MACROD2: variants seen among roughly 807,000 people sequenced by gnomAD.
MACROD2 encodes ADP-ribose glycohydrolase MACROD2.
In MACROD2, 36 loss-of-function variants were observed where a neutral mutation model predicts 70.4. The ratio of observed to expected loss-of-function variants is 0.51; its 90% CI spans 0.39 to 0.68. MACROD2 has a LOEUF of 0.68. Ranked by LOEUF, MACROD2 falls within the 30% of genes least tolerant of loss-of-function variation. The pLI is 0.00. For synonymous variants in MACROD2, 172 were observed against 178.8 expected (o/e 0.96, Z 0.30); for missense variants, 496 against 538.4 (o/e 0.92, Z 0.78).
intron 5 of MACROD2, among the ~76,000 whole-genome samples, chr20:14,761,908 A>G (rs1173507730): frequency 1.3e-5 from 2 of 152,168 alleles, no homozygotes; most frequent in Non-Finnish European, 2.9e-5. Flanking sequence ...GTAAATACTT[A>G]GGCATTTTCT....
At chr20:14,011,352 C>T (rs2052903038) in intron 2 of MACROD2, among the ~76,000 whole-genome samples, 1 of 152,064 alleles carries the variant, frequency 6.6e-6, no homozygotes, top group African/African-American at 2.4e-5. Flanking sequence ...ATGAGGGCAA[C>T]TTTGATCATA....
chr20:15,173,893 T>C (rs1019397737), intron 5 of MACROD2, among the ~76,000 whole-genome samples: 1 of 152,204 alleles, frequency 6.6e-6, no homozygotes, highest in Non-Finnish European at 1.5e-5. Context: ...GTTGACTTTA[T>C]CTTTCTTACC....
At chr20:15,946,655 A>G (rs2065827544) in intron 12 of MACROD2, among the ~76,000 whole-genome samples, 1 of 152,210 alleles carries the variant, frequency 6.6e-6, no homozygotes, top group Non-Finnish European at 1.5e-5. Context: ...TATGTTCTCC[A>G]CAAAGCTCAA....
chr20:15,175,186 C>A (rs1247033972), intron 5 of MACROD2, among the ~76,000 whole-genome samples: 2 of 149,410 alleles, frequency 1.3e-5, no homozygotes, highest in African/African-American at 2.5e-5. Flanking sequence ...GAACAAAAAA[C>A]CAAACACCGC....
At chr20:14,049,129 C>T (rs1280502681) in intron 2 of MACROD2, among the ~76,000 whole-genome samples, 3 of 148,022 alleles carry the variant, frequency 2.0e-5, no homozygotes, top group African/African-American at 7.4e-5. Context: ...ATCAACTCAC[C>T]CAAACTTCCT....
chr20:15,214,104 C>T (rs920072943), intron 5 of MACROD2, among the ~76,000 whole-genome samples: 4 of 152,084 alleles, frequency 2.6e-5, no homozygotes, highest in Admixed American at 2.6e-4. Flanking sequence ...AGCTTCTGTG[C>T]TTTCTCCAGC....
chr20:15,091,895 G>A (rs965561115), intron 5 of MACROD2, among the ~76,000 whole-genome samples: 10 of 152,014 alleles, frequency 6.6e-5, no homozygotes, highest in African/African-American at 2.4e-4. Context: ...TTAATCAAAT[G>A]CATTTTATCA....
intron 13 of MACROD2, among the ~76,000 whole-genome samples, chr20:15,986,230 G>GTC (rs1306472594): frequency 6.6e-6 from 1 of 152,116 alleles, no homozygotes; most frequent in Non-Finnish European, 1.5e-5. Context: ...ATACGGGAGG[G>GTC]TCTCTCTCTT....
intron 3 of MACROD2, among the ~76,000 whole-genome samples, chr20:14,206,804 A>T (rs1438935638): frequency 1.3e-5 from 2 of 152,196 alleles, no homozygotes; most frequent in Middle Eastern, 3.4e-3. Context: ...CATATTTCTA[A>T]GTTCCAAAAT....
intron 5 of MACROD2, among the ~76,000 whole-genome samples, chr20:14,971,223 A>G (rs1223832272): frequency 6.6e-6 from 1 of 152,220 alleles, no homozygotes; most frequent in Non-Finnish European, 1.5e-5. Context: ...CATGTTCAGT[A>G]CAGACAGAAC....
chr20:15,804,136 T>C (rs1465292184), intron 8 of MACROD2, among the ~76,000 whole-genome samples: 2 of 152,194 alleles, frequency 1.3e-5, no homozygotes, highest in African/African-American at 4.8e-5. Context: ...AATCATGACC[T>C]TGAGAAGTTC....
chr20:14,406,806 A>G (rs762510871), intron 3 of MACROD2, among the ~76,000 whole-genome samples: 3 of 152,192 alleles, frequency 2.0e-5, no homozygotes, highest in Non-Finnish European at 4.4e-5. Flanking sequence ...ACTTCAGCAT[A>G]TCACATATTA....
At chr20:15,239,010 G>A (rs1442510580) in intron 6 of MACROD2, among the ~76,000 whole-genome samples, 1 of 152,108 alleles carries the variant, frequency 6.6e-6, no homozygotes, top group Non-Finnish European at 1.5e-5. Flanking sequence ...CTGAGCGGCA[G>A]TTATTAGATC....
intron 4 of MACROD2, among the ~76,000 whole-genome samples, chr20:14,532,311 C>T (rs566121778): frequency 7.9e-5 from 12 of 151,322 alleles, no homozygotes; most frequent in East Asian, 7.8e-4. Flanking sequence ...CTCCGCCTCC[C>T]GGGTTCAGCC....
Position 14,326,141 on chromosome 20 carries a change from T to A in MACROD2, c.272-167338T>A. 1 of 1,613,916 alleles carries A rather than the reference T, an allele frequency of 6.2e-7. No individual in the cohort carries two copies. Among genetic ancestry groups the A allele is most frequent in the Non-Finnish European group, 8.5e-7 (1 of 1,179,880 alleles). ...TACTCACTGCGTTCCCCTGTTACAA[T>A]TGTTTCTGTTATAGATCCAAATGCC... On this transcript the variant is annotated intron_variant, in intron 3 of 17. Transcript: ENST00000684519. The surrounding 1 kb of genome is among the most constrained non-coding windows in gnomAD (Gnocchi z 5.5).
chr20:14,784,070 T>C (rs889163703), intron 5 of MACROD2, among the ~76,000 whole-genome samples: 4 of 151,972 alleles, frequency 2.6e-5, no homozygotes, highest in African/African-American at 9.7e-5. Context: ...ATGTGGGTGA[T>C]GTCCTGAAAC....
rs138878539 is a variant in MACROD2 at position 14,178,260 on chromosome 20, T to G, written c.271+92532T>G. 4.8e-3 allele frequency among the ~76,000 whole-genome samples: 735 copies of G among 152,318 alleles called. 12 individuals are homozygous for G. Among genetic ancestry groups the G allele is most frequent in the Non-Finnish European group, 7.9e-3 (537 of 68,016 alleles). On this transcript the variant is annotated intron_variant, in intron 3 of 17. Transcript: ENST00000684519. The stretch of plus-strand genomic sequence containing the variant: ...GAGGTGATGGATAAAGTAGCTACTC[T>G]GATTGGATCATTATACTACATAGAT...
chr20:14,190,729 C>CT, intron 3 of MACROD2, among the ~76,000 whole-genome samples: 1 of 31,998 alleles, frequency 3.1e-5, no homozygotes, highest in Non-Finnish European at 5.1e-5. Flanking sequence ...TTTTTTTTTT[C>CT]CAGAGTCTTG....
intron 5 of MACROD2, among the ~76,000 whole-genome samples, chr20:15,045,734 T>TTG (rs2075389081): frequency 6.8e-6 from 1 of 147,280 alleles, no homozygotes. Flanking sequence ...TTTTTTTTTT[T>TTG]TTTTTTTTTT....
Sources: allele counts gnomAD v4.1 joint callset (sites outside exome capture counted in the v4.1 genomes callset), GRCh38; gene constraint gnomAD v4.1.1; non-coding constraint Gnocchi (gnomAD v3.1); transcripts MANE v1.5; gene names NCBI Gene and HGNC (gene_info 2026-07-23, HGNC 2026-07-21).